MINDY4: variants seen among roughly 807,000 people sequenced by gnomAD.
The protein encoded by MINDY4 is probable ubiquitin carboxyl-terminal hydrolase MINDY-4.
In MINDY4, 68 loss-of-function variants were observed where a neutral mutation model predicts 87.0. The ratio of observed to expected loss-of-function variants is 0.78; its 90% CI spans 0.64 to 0.96. The LOEUF is 0.96. MINDY4 is among the 40% of genes least tolerant of loss of function. MINDY4 has a pLI of 0.00. For missense variants in MINDY4, 919 were observed against 928.2 expected (o/e 0.99, Z 0.13); for synonymous variants, 379 against 363.2 (o/e 1.04, Z -0.50).
chr7:30,848,923 G>A (rs147685387), intron 9 of MINDY4, among the ~76,000 whole-genome samples: 7 of 152,278 alleles, frequency 4.6e-5, no homozygotes, highest in African/African-American at 1.4e-4. Flanking sequence ...ATAGTCATAC[G>A]CGCCATTGAT....
At chr7:30,844,008 C>T (rs1239748388) in intron 9 of MINDY4, among the ~76,000 whole-genome samples, 5 of 152,162 alleles carry the variant, frequency 3.3e-5, no homozygotes, top group African/African-American at 4.8e-5. Flanking sequence ...CCTTCTCCAG[C>T]GAGCCTGGAA....
At chr7:30,796,868 C>T (rs911835645) in intron 5 of MINDY4, 4 of 147,492 alleles carry the variant, frequency 2.7e-5, no homozygotes, top group African/African-American at 1.0e-4. Context: ...GACTTGATTT[C>T]AGACTCTGAA....
chr7:30,839,636 C>T (rs886526734), intron 8 of MINDY4, among the ~76,000 whole-genome samples: 2 of 151,882 alleles, frequency 1.3e-5, no homozygotes, highest in African/African-American at 4.8e-5. Flanking sequence ...CTTGGGGCCA[C>T]TAGAGGGGCC....
At chr7:30,822,087 A>T (rs957225655) in intron 5 of MINDY4, among the ~76,000 whole-genome samples, 1 of 152,006 alleles carries the variant, frequency 6.6e-6, no homozygotes, top group Non-Finnish European at 1.5e-5. Flanking sequence ...CTGACATTTC[A>T]CTTGTAAATA....
At chr7:30,831,411 A>G (rs1044995310) in intron 6 of MINDY4, among the ~76,000 whole-genome samples, 3 of 152,184 alleles carry the variant, frequency 2.0e-5, no homozygotes, top group African/African-American at 7.2e-5. Context: ...CATCATCCCT[A>G]GTCCATCATG....
chr7:30,872,752 G>A (rs908200596), intron 14 of MINDY4, among the ~76,000 whole-genome samples: 21 of 152,202 alleles, frequency 1.4e-4, no homozygotes, highest in Non-Finnish European at 4.4e-5. Flanking sequence ...TTACAGAGGG[G>A]CCCTCAATGG....
intron 12 of MINDY4, among the ~76,000 whole-genome samples, chr7:30,857,463 T>TAACAAGTACAGCCTTAGCCAGGAGCATCC (rs1562556218): frequency 2.9e-5 from 2 of 69,000 alleles, no homozygotes; most frequent in Admixed American, 1.0e-4. Context: ...TCCACCTTGT[T>TAACAAGTACAGCCTTAGCCAGGAGCATCC]TTTTTTTTTT....
At chr7:30,808,573 C>T (rs1486059786) in intron 5 of MINDY4, among the ~76,000 whole-genome samples, 2 of 152,022 alleles carry the variant, frequency 1.3e-5, no homozygotes, top group Non-Finnish European at 2.9e-5. Context: ...CCACTAGGAA[C>T]TATGCTGAAA....
At chr7:30,837,908 C>T (rs910826175) in intron 7 of MINDY4, among the ~76,000 whole-genome samples, 1 of 152,168 alleles carries the variant, frequency 6.6e-6, no homozygotes, top group Non-Finnish European at 1.5e-5. Flanking sequence ...TGCCACCAGC[C>T]CACATTTGAT....
At position 30,839,249 on chromosome 7, in the gene MINDY4, A is replaced by G. The variant is rs773278036; in HGVS notation, c.1289A>G (p.Glu430Gly). 1 of 1,612,914 alleles carries G rather than the reference A, an allele frequency of 6.2e-7. No homozygotes were observed. The highest frequency in any genetic ancestry group is 1.3e-5 in the African/African-American group (1 of 75,018). Reference protein sequence around the residue: ...FGSSFCCFNEEWKLQSFSFSN... With the variant: ...FGSSFCCFNEGWKLQSFSFSN... ...TCCAGCTTTTGCTGTTTCAATGAAG[A>G]ATGGAAACTTCAGAGTTTTTCCTTT... The change falls in exon 8 of 18, where the codon GAA becomes GGA. Residue 430 changes from glutamate (E) to glycine (G), a missense_variant. Physicochemically the swap from Glu to Gly is moderately conservative, Grantham distance 98. Transcript: ENST00000265299.
chr7:30,888,988 G>C (rs967597668), intron 17 of MINDY4, among the ~76,000 whole-genome samples: 1 of 152,150 alleles, frequency 6.6e-6, no homozygotes, highest in Non-Finnish European at 1.5e-5. Flanking sequence ...GAGCTCATAC[G>C]AGGTACTTCA....
At chr7:30,833,784 C>T (rs1562546775) in intron 6 of MINDY4, among the ~76,000 whole-genome samples, 1 of 152,230 alleles carries the variant, frequency 6.6e-6, no homozygotes. Context: ...TGCAGCTGTT[C>T]CAAATGGGAG....
intron 5 of MINDY4, among the ~76,000 whole-genome samples, chr7:30,797,476 C>T (rs1237058881): frequency 6.6e-6 from 1 of 152,146 alleles, no homozygotes; most frequent in Non-Finnish European, 1.5e-5. Flanking sequence ...AGGGAACTTG[C>T]ACTTTGATCT....
At chr7:30,822,627 TTTTATTTA>T (rs74376606) in intron 5 of MINDY4, among the ~76,000 whole-genome samples, 1 of 145,654 alleles carries the variant, frequency 6.9e-6, no homozygotes, top group African/African-American at 2.7e-5. Context: ...TGCCTGTCTA[TTTTATTTA>T]TTTATTTATT....
intron 5 of MINDY4, chr7:30,796,807 C>T (rs1232402094): frequency 6.6e-6 from 1 of 151,916 alleles, no homozygotes; most frequent in Non-Finnish European, 1.5e-5. Flanking sequence ...ATGTCACTAA[C>T]CAACATATGA....
At chr7:30,792,890 C>T (rs1035114463) in intron 5 of MINDY4, among the ~76,000 whole-genome samples, 1 of 151,722 alleles carries the variant, frequency 6.6e-6, no homozygotes, top group Admixed American at 6.6e-5. Context: ...GTTTAATTTG[C>T]TATTATTTTC....
intron 13 of MINDY4, among the ~76,000 whole-genome samples, chr7:30,860,495 C>G (rs1789719552): frequency 6.6e-6 from 1 of 152,190 alleles, no homozygotes; most frequent in Non-Finnish European, 1.5e-5. Flanking sequence ...CTCCCCAGGA[C>G]TGGGTTTGCT....
intron 6 of MINDY4, among the ~76,000 whole-genome samples, chr7:30,832,721 G>C (rs1013295748): frequency 2.0e-5 from 3 of 152,090 alleles, no homozygotes; most frequent in Non-Finnish European, 4.4e-5. Flanking sequence ...TGTTGGCCAG[G>C]CTGCTCTTAA....
chr7:30,875,893 T>G (rs1790243199), intron 15 of MINDY4, among the ~76,000 whole-genome samples: 1 of 152,202 alleles, frequency 6.6e-6, no homozygotes, highest in South Asian at 2.1e-4. Flanking sequence ...TGAAAAGGAC[T>G]TCGAGGGATT....
Sources: gnomAD v4.1 joint callset for allele counts (sites outside exome capture counted in the v4.1 genomes callset) on GRCh38, gnomAD v4.1.1 for gene constraint, MANE v1.5 for transcripts, NCBI Gene and HGNC (gene_info 2026-07-23, HGNC 2026-07-21) for gene names.